The following FGF13 variants were observed in gnomAD, a reference collection of about 807,000 sequenced individuals.
FGF13 encodes the protein fibroblast growth factor 13.
Under a neutral mutation model 19.5 loss-of-function variants are expected in FGF13, and 2 were observed. The ratio of observed to expected loss-of-function variants is 0.10; its 90% confidence interval spans 0.04 to 0.32. The LOEUF is 0.32. Among genes scored for constraint, FGF13 ranks in the 10% least tolerant of loss-of-function variants. The pLI is 1.00. For synonymous variants in FGF13, 72 were observed against 76.9 expected (o/e 0.94, Z 0.33); for missense variants, 113 against 192.7 (o/e 0.59, Z 2.45).
At chrX:138,944,077 C>T (rs1180656586) in intron 1 of FGF13, among the ~76,000 whole-genome samples, 2 of 110,823 alleles carry the variant, frequency 1.8e-5, no homozygotes, top group Non-Finnish European at 1.9e-5. Flanking sequence ...TTATGGAATG[C>T]CTATACAATA....
intron 3 of FGF13, among the ~76,000 whole-genome samples, chrX:138,664,189 C>T (rs1364488849): frequency 2.7e-5 from 3 of 111,592 alleles, no homozygotes; most frequent in Non-Finnish European, 5.7e-5. Context: ...TAAGTAAGCA[C>T]TACAAGAACA....
At chrX:139,053,537 ATTTGTATATCTTC>A (rs2092309991) in intron 1 of FGF13, among the ~76,000 whole-genome samples, 1 of 109,975 alleles carries the variant, frequency 9.1e-6, no homozygotes, top group Non-Finnish European at 1.9e-5. Context: ...TTTGTTGGAC[ATTTGTATATCTTC>A]TTTTAAGAAC....
chrX:138,712,946 C>A (rs919093161), upstream of FGF13, among the ~76,000 whole-genome samples: 8 of 112,424 alleles, frequency 7.1e-5, no homozygotes, highest in African/African-American at 2.6e-4. Flanking sequence ...AGCTGAATCA[C>A]CGGACCCTTC....
At chrX:139,123,769 T>C (rs1366113220) in intron 1 of FGF13, among the ~76,000 whole-genome samples, 1 of 112,358 alleles carries the variant, frequency 8.9e-6, no homozygotes, top group Non-Finnish European at 1.9e-5. Context: ...AACAATGTGT[T>C]GAATAACAAT....
chrX:138,647,167 A>G (rs185263367), intron 3 of FGF13, among the ~76,000 whole-genome samples: 24 of 107,128 alleles, frequency 2.2e-4, no homozygotes, highest in African/African-American at 7.5e-4. Context: ...AGAGGAGTAA[A>G]CATATTTCTT....
intron 1 of FGF13, among the ~76,000 whole-genome samples, chrX:139,036,991 G>A (rs765494717): frequency 2.7e-5 from 3 of 110,760 alleles, no homozygotes; most frequent in South Asian, 3.9e-4. Context: ...CATATCACAC[G>A]GGTTTCAGTG....
At chrX:138,728,859 A>T (rs1302069866) in intron 1 of FGF13, among the ~76,000 whole-genome samples, 1 of 111,136 alleles carries the variant, frequency 9.0e-6, no homozygotes, top group African/African-American at 3.3e-5. Flanking sequence ...CGTTAAGAGA[A>T]CAGAGACAAA....
intron 1 of FGF13, among the ~76,000 whole-genome samples, chrX:138,729,613 A>G (rs781356942): frequency 9.1e-6 from 1 of 109,961 alleles, no homozygotes; most frequent in South Asian, 3.8e-4. Context: ...ATAATGGCCA[A>G]GAATTGTTCA....
intron 3 of FGF13, among the ~76,000 whole-genome samples, chrX:138,811,797 A>G (rs923021535): frequency 9.1e-6 from 1 of 110,271 alleles, no homozygotes; most frequent in Non-Finnish European, 1.9e-5. Flanking sequence ...TTCCTATGTT[A>G]GTAAATGACA....
chrX:138,947,286 G>A (rs1001367228), intron 1 of FGF13, among the ~76,000 whole-genome samples: 1 of 110,620 alleles, frequency 9.0e-6, no homozygotes, highest in Non-Finnish European at 1.9e-5. Flanking sequence ...AGCTTAAAAT[G>A]AGCAAAAAAA....
chrX:139,057,540 C>T (rs1308009459), intron 1 of FGF13, among the ~76,000 whole-genome samples: 1 of 111,737 alleles, frequency 8.9e-6, no homozygotes, highest in African/African-American at 3.2e-5. Context: ...AAAACGTGTA[C>T]CCAAAATAAT....
intron 1 of FGF13, among the ~76,000 whole-genome samples, chrX:139,120,591 C>A (rs1464946764): frequency 8.9e-6 from 1 of 112,076 alleles, no homozygotes; most frequent in Non-Finnish European, 1.9e-5. Context: ...TGTCTGGGGC[C>A]TCCCAAGCTG....
At chrX:138,995,441 T>C (rs776448038) in intron 1 of FGF13, among the ~76,000 whole-genome samples, 1 of 111,746 alleles carries the variant, frequency 8.9e-6, no homozygotes, top group South Asian at 3.8e-4. Flanking sequence ...ATCCAATAGT[T>C]ATATTTTCTG....
rs1390994166 is a variant in FGF13, at chrX:138,984,591, G to GAAGAAGAAGAAGA, written c.-112-119942_-112-119941insTCTTCTTCTTCTT. Reference sequence around the variant, plus strand: ...GAAGAAGAAGAAGAAGAAGAAGAAGGAGGAGGAGGAGGAGGAGGAGGAGGA... The same window carrying GAAGAAGAAGAAGA: ...GAAGAAGAAGAAGAAGAAGAAGAAGGAAGAAGAAGAAGAAGGAGGAGGAGGAGGAGGAGGAGGA... On this transcript the variant is annotated intron_variant, in intron 1 of 2. Coordinates refer to the FGF13 transcript ENST00000421460. Among the ~76,000 whole-genome samples the GAAGAAGAAGAAGA allele has an allele frequency of 3.8e-4, 7 of 18,634 alleles. 1 individual carries two copies. The highest frequency in any genetic ancestry group is 1.9e-3 in the Admixed American group (3 of 1,587). The allele number at this position is 18,634 out of a possible 115,157, so 16.2% of individuals were successfully genotyped here.
intron 1 of FGF13, among the ~76,000 whole-genome samples, chrX:138,994,251 C>A (rs1213411203): frequency 9.0e-6 from 1 of 111,289 alleles, no homozygotes; most frequent in African/African-American, 3.3e-5. Context: ...CTTGCTGTAT[C>A]CTCTGACAAC....
intron 3 of FGF13, among the ~76,000 whole-genome samples, chrX:138,702,190 TAAATA>T (rs1371674861): frequency 9.1e-6 from 1 of 110,048 alleles, no homozygotes; most frequent in Non-Finnish European, 1.9e-5. Context: ...AATAAATAAA[TAAATA>T]AATTAATTAA....
chrX:138,810,281 A>G (rs1357501231), intron 3 of FGF13, among the ~76,000 whole-genome samples: 4 of 111,775 alleles, frequency 3.6e-5, no homozygotes, highest in Non-Finnish European at 7.5e-5. Context: ...GCCCTCAGAA[A>G]TAATACCACA....
intron 3 of FGF13, among the ~76,000 whole-genome samples, chrX:138,693,765 T>C (rs1379767151): frequency 8.9e-6 from 1 of 111,999 alleles, no homozygotes; most frequent in East Asian, 2.8e-4. Context: ...CCTTTGTGCC[T>C]ATGCTTTTTG....
intron 1 of FGF13, among the ~76,000 whole-genome samples, chrX:138,972,356 ATTT>A (rs34553958): frequency 3.8e-3 from 294 of 78,028 alleles, no homozygotes; most frequent in East Asian, 6.3e-3. Flanking sequence ...CTTCACCAGA[ATTT>A]TTTTTTTTTT....
Sources: allele counts gnomAD v4.1 joint callset (sites outside exome capture counted in the v4.1 genomes callset), GRCh38; gene constraint gnomAD v4.1.1; transcripts MANE v1.5; gene names NCBI Gene and HGNC (gene_info 2026-07-23, HGNC 2026-07-21).